TASOR: variants seen among roughly 807,000 people sequenced by gnomAD.
TASOR encodes the protein protein TASOR.
A neutral mutation model predicts 178.6 loss-of-function variants in TASOR; 53 were observed. The ratio of observed to expected loss-of-function variants is 0.30; its 90% CI spans 0.24 to 0.37. TASOR has a LOEUF of 0.37. Ranked by LOEUF, TASOR falls within the 10% of genes least tolerant of loss-of-function variation. The probability of loss-of-function intolerance (pLI) is 1.00; values close to 1 mark genes in which losing one functional copy is unlikely to be tolerated. For synonymous variants in TASOR, 713 were observed against 696.2 expected, an observed-to-expected ratio of 1.02 and a Z score of -0.38; for missense variants, 1,815 against 1,971.4, an observed-to-expected ratio of 0.92 and a Z score of 1.50.
At chr3:56,669,419 C>T (rs953718230) in intron 5 of TASOR, among the ~76,000 whole-genome samples, 2 of 152,232 alleles carry the variant, frequency 1.3e-5, no homozygotes, top group South Asian at 2.1e-4. Context: ...AGGAGAATGG[C>T]ATGAACTCGG....
Position 56,682,990 on chromosome 3 carries a change from T to C in TASOR, c.17A>G (p.Glu6Gly). Reference protein sequence around the residue: MATAVETEACQPTDAS... With the variant: MATAVGTEACQPTDAS... ...ATCCGTCGGCTGACAGGCCTCCGTC[T>C]CCACAGCAGTCGCCATCGCGCCGGC... Residue 6 changes from glutamate (E) to glycine (G), a missense_variant, in exon 1 of 24, where the codon GAG becomes GGG. Glu to Gly is a moderately conservative substitution (Grantham distance 98, BLOSUM62 -2). Transcript: ENST00000683822. The C allele has an allele frequency of 6.5e-7, 1 of 1,545,708 alleles. No homozygotes were observed. The highest frequency in any genetic ancestry group is 1.2e-5 in the South Asian group (1 of 83,770).
intron 6 of TASOR, 108 bp downstream of exon 6, chr3:56,668,289 G>T: frequency 9.9e-7 from 1 of 1,011,124 alleles, no homozygotes; most frequent in Non-Finnish European, 1.4e-6. Context: ...GCAGACACCA[G>T]AGTCTAGACT....
Position 56,646,588 on chromosome 3 carries a change from G to T in TASOR, c.2149C>A (p.Leu717Ile), listed in dbSNP as rs2077243337. Reference sequence around the variant, plus strand: ...GCGAGCTTTCTCATATTTTCAGGTAGATCCTCAAGCTTCCTCTTCAAGACA... The same window carrying T: ...GCGAGCTTTCTCATATTTTCAGGTATATCCTCAAGCTTCCTCTTCAAGACA... ...KTVLKRKLED[L>I]PENMRKLAKT... The change falls in exon 14 of 24, where the codon CTA (leucine) becomes ATA (isoleucine). Residue 717 changes from leucine (L) to isoleucine (I), a missense_variant. By Grantham distance (5) the Leu-to-Ile change is conservative. Around this residue, in one of 5 missense-constraint regions of TASOR, gnomAD observed 655 missense variants for 671.1 expected, o/e 0.98. Transcript: ENST00000683822. The T allele has an allele frequency of 1.2e-6, 2 of 1,611,942 alleles. No individual in the cohort carries two copies. Among genetic ancestry groups the T allele is most frequent in the Non-Finnish European group, 1.7e-6 (2 of 1,179,704 alleles).
intron 2 of TASOR, among the ~76,000 whole-genome samples, chr3:56,672,195 G>A (rs1216153208): frequency 6.6e-6 from 1 of 152,134 alleles, no homozygotes; most frequent in Non-Finnish European, 1.5e-5. Flanking sequence ...GGAACTATAA[G>A]TTATCCTAAA....
intron 1 of TASOR, among the ~76,000 whole-genome samples, chr3:56,678,846 AAGG>A (rs2031550271): frequency 6.6e-6 from 1 of 152,018 alleles, no homozygotes; most frequent in African/African-American, 2.4e-5. Context: ...TCCCACCTCT[AAGG>A]AGAATACAAA....
Position 56,627,730 on chromosome 3 carries a change from C to G in TASOR, c.3882G>C (p.Leu1294Phe), listed in dbSNP as rs1382621387. 4 of 1,613,410 alleles carry G rather than the reference C, an allele frequency of 2.5e-6. No individual in the cohort carries two copies. Among genetic ancestry groups the G allele is most frequent in the Non-Finnish European group, 3.4e-6 (4 of 1,179,888 alleles). Residue 1294 changes from leucine (L) to phenylalanine (F), a missense_variant, in exon 20 of 24, where the codon TTG becomes TTC. By Grantham distance (22) the Leu-to-Phe change is conservative. Coordinates refer to ENST00000683822, the MANE Select transcript of TASOR (RefSeq NM_001365635.2). ...IAGFIHKIPG[L>F]VTLKKLPCVS... is the part of the protein sequence containing the mutation. ...CACAGGGGAGCTTCTTTAAAGTCAC[C>G]AAGCCAGGTATCTGTTTAAATCCCA...
At chr3:56,659,809 TC>T (rs1342259165) in intron 11 of TASOR, among the ~76,000 whole-genome samples, 2 of 152,066 alleles carry the variant, frequency 1.3e-5, no homozygotes, top group African/African-American at 2.4e-5. Context: ...CCTACTACTT[TC>T]CCCCAACTAC....
intron 7 of TASOR, among the ~76,000 whole-genome samples, chr3:56,665,650 C>A (rs964760555): frequency 6.6e-6 from 1 of 152,016 alleles, no homozygotes; most frequent in Admixed American, 6.5e-5. Context: ...TGAGCCACTG[C>A]GCCTGGCCAA....
chr3:56,652,163 G>T, intron 11 of TASOR, among the ~76,000 whole-genome samples: 1 of 152,196 alleles, frequency 6.6e-6, no homozygotes, highest in Non-Finnish European at 1.5e-5. Flanking sequence ...ATGGCTGTTA[G>T]GGATTAGGAA....
intron 11 of TASOR, among the ~76,000 whole-genome samples, chr3:56,656,849 A>G (rs2077481352): frequency 6.6e-6 from 1 of 151,396 alleles, no homozygotes; most frequent in Admixed American, 6.6e-5. Context: ...CATCTCTACT[A>G]AAAATACACA....
Position 56,648,968 on chromosome 3 carries a change from A to G in TASOR, c.1441+17T>C. On this transcript the variant is annotated intron_variant, in intron 12 of 23. Transcript: ENST00000683822. ...TAAGAAAGAATTGTAAAAATTTATTAAAGAGAGACCACCTACCATATGGAG... is the reference window on the plus strand; with the variant it reads ...TAAGAAAGAATTGTAAAAATTTATTGAAGAGAGACCACCTACCATATGGAG... The G allele has an allele frequency of 6.2e-7, 1 of 1,600,988 alleles. No homozygotes were observed. Among genetic ancestry groups the G allele is most frequent in the Non-Finnish European group, 8.5e-7 (1 of 1,175,414 alleles).
chr3:56,654,267 C>CA (rs1223520966), intron 11 of TASOR, among the ~76,000 whole-genome samples: 1,851 of 140,276 alleles, frequency 0.013, 43 homozygotes, highest in African/African-American at 0.044. Context: ...AACTCTGTCT[C>CA]AAAAAAAAAA....
At chr3:56,646,438 G>T in intron 14 of TASOR, 84 bp downstream of exon 14, 1 of 1,139,634 alleles carries the variant, frequency 8.8e-7, no homozygotes, top group Non-Finnish European at 1.2e-6. Context: ...TGACCCTCAG[G>T]CTTTAATTTA....
At chr3:56,648,756 C>A in intron 13 of TASOR, 66 bp downstream of exon 13, 2 of 1,172,124 alleles carry the variant, frequency 1.7e-6, no homozygotes, top group Non-Finnish European at 2.4e-6. Context: ...AGTGAGTTAT[C>A]TGGAAAATTT....
intron 18 of TASOR, among the ~76,000 whole-genome samples, chr3:56,629,428 C>T (rs575056032): frequency 5.3e-5 from 8 of 152,294 alleles, no homozygotes; most frequent in Non-Finnish European, 8.8e-5. Context: ...CTGGGATAAA[C>T]GCCTTCAGAG....
chr3:56,675,334 G>A (rs568308898), intron 1 of TASOR, among the ~76,000 whole-genome samples: 3 of 151,670 alleles, frequency 2.0e-5, no homozygotes, highest in African/African-American at 4.8e-5. Context: ...CTGCTACCAC[G>A]CCCAGCTAAT....
At chr3:56,664,861 C>G (rs1195188072) in intron 7 of TASOR, among the ~76,000 whole-genome samples, 1 of 152,046 alleles carries the variant, frequency 6.6e-6, no homozygotes, top group Non-Finnish European at 1.5e-5. Context: ...AACACAAGAA[C>G]AGAAAACCAA....
At chr3:56,635,316 T>G (rs1369526744) in intron 17 of TASOR, among the ~76,000 whole-genome samples, 3 of 152,154 alleles carry the variant, frequency 2.0e-5, no homozygotes, top group Non-Finnish European at 4.4e-5. Flanking sequence ...GGATAAGAAT[T>G]AGAACTGTAT....
At chr3:56,624,090 T>C (rs770055569) in intron 23 of TASOR, among the ~76,000 whole-genome samples, 2 of 152,210 alleles carry the variant, frequency 1.3e-5, no homozygotes, top group Admixed American at 6.5e-5. Context: ...GCTTTATGCA[T>C]GTGGGGAAAT....
Sources: allele counts gnomAD v4.1 joint callset (sites outside exome capture counted in the v4.1 genomes callset), GRCh38; gene constraint gnomAD v4.1.1; regional missense constraint gnomAD v4.1.1; transcripts MANE v1.5; gene names NCBI Gene and HGNC (gene_info 2026-07-23, HGNC 2026-07-21).